Variants in ELL2 observed in about 807,000 individuals in gnomAD.
The protein encoded by ELL2 is elongation factor for RNA polymerase II 2, also known as RNA polymerase II elongation factor ELL2.
Under a neutral mutation model 72.8 loss-of-function variants are expected in ELL2, and 21 were observed. That is an observed-to-expected ratio of 0.29 (90% CI 0.20 to 0.42). ELL2 has a LOEUF of 0.42. Among genes scored for constraint, ELL2 ranks in the 10% least tolerant of loss-of-function variants. The pLI, the probability that ELL2 is intolerant of heterozygous loss-of-function variation, is 1.00. For synonymous variants in ELL2, 266 were observed against 283.2 expected, an observed-to-expected ratio of 0.94 and a Z score of 0.61; for missense variants, 568 against 772.8, an observed-to-expected ratio of 0.73 and a Z score of 3.14.
intron 2 of ELL2, among the ~76,000 whole-genome samples, chr5:95,921,512 C>G (rs1315345645): frequency 6.6e-6 from 1 of 152,160 alleles, no homozygotes; most frequent in East Asian, 1.9e-4. Flanking sequence ...ACTTTGTGAA[C>G]AAGTCTTAAT....
chr5:95,937,780 T>C (rs2112341499), intron 2 of ELL2, among the ~76,000 whole-genome samples: 1 of 152,320 alleles, frequency 6.6e-6, no homozygotes, highest in East Asian at 1.9e-4. Flanking sequence ...AGGTAGCTGT[T>C]AGCTGGCAAC....
At chr5:95,918,132 C>G (rs1459603787) in intron 3 of ELL2, among the ~76,000 whole-genome samples, 1 of 152,210 alleles carries the variant, frequency 6.6e-6, no homozygotes, top group Admixed American at 6.5e-5. Flanking sequence ...ATTCTATAAT[C>G]TATCATAGTG....
At chr5:95,932,225 C>G (rs80174773) in intron 2 of ELL2, among the ~76,000 whole-genome samples, 1 of 152,052 alleles carries the variant, frequency 6.6e-6, no homozygotes, top group Non-Finnish European at 1.5e-5. Flanking sequence ...TATTGATATG[C>G]ACAACACATC....
At chr5:95,961,145 G>C (rs992684415) in intron 1 of ELL2, among the ~76,000 whole-genome samples, 9 of 152,054 alleles carry the variant, frequency 5.9e-5, no homozygotes, top group African/African-American at 2.2e-4. Flanking sequence ...GGAAAACGCG[G>C]GCAGCTGGTG....
At chr5:95,927,476 T>TACAC (rs560734864) in intron 2 of ELL2, among the ~76,000 whole-genome samples, 1 of 18,926 alleles carries the variant, frequency 5.3e-5, no homozygotes. Flanking sequence ...TATATAGACA[T>TACAC]ACACACACGT....
chr5:95,939,836 A>G (rs1260840664), intron 2 of ELL2, among the ~76,000 whole-genome samples: 1 of 152,226 alleles, frequency 6.6e-6, no homozygotes, highest in Non-Finnish European at 1.5e-5. Context: ...GCATTATACC[A>G]TTATACCCCT....
intron 2 of ELL2, among the ~76,000 whole-genome samples, chr5:95,921,653 G>A (rs905684283): frequency 3.9e-5 from 6 of 152,216 alleles, no homozygotes; most frequent in Non-Finnish European, 8.8e-5. Context: ...AGGAATGCTT[G>A]CGTCAGGCAC....
intron 2 of ELL2, among the ~76,000 whole-genome samples, chr5:95,923,543 A>G (rs1261642646): frequency 2.6e-5 from 4 of 152,352 alleles, no homozygotes; most frequent in Non-Finnish European, 4.4e-5. Flanking sequence ...GTTTCTTTGC[A>G]GCTATGGAGC....
chr5:95,907,535 C>T (rs541386733), intron 4 of ELL2, among the ~76,000 whole-genome samples: 3 of 152,136 alleles, frequency 2.0e-5, no homozygotes, highest in South Asian at 2.1e-4. Flanking sequence ...TGACACTTGG[C>T]AAGTGGCTAC....
chr5:95,899,869 T>C (rs930314280), intron 7 of ELL2, among the ~76,000 whole-genome samples: 6 of 152,176 alleles, frequency 3.9e-5, no homozygotes, highest in African/African-American at 1.4e-4. Context: ...TTCTTTTTTG[T>C]TCCCCCTCTG....
At chr5:95,890,345 G>A (rs532528166) in intron 10 of ELL2, among the ~76,000 whole-genome samples, 34 of 152,140 alleles carry the variant, frequency 2.2e-4, no homozygotes, top group Non-Finnish European at 4.1e-4. Context: ...CTCATCCATT[G>A]TCTCACGTAG....
chr5:95,942,970 G>C (rs1414748064), intron 2 of ELL2, 32 bp downstream of exon 2: 5 of 1,533,368 alleles, frequency 3.3e-6, no homozygotes, highest in Non-Finnish European at 3.5e-6. Context: ...AAGAACATTA[G>C]ATTTGTTTGT....
intron 3 of ELL2, among the ~76,000 whole-genome samples, chr5:95,915,795 G>A (rs930648940): frequency 6.6e-6 from 1 of 152,066 alleles, no homozygotes; most frequent in Non-Finnish European, 1.5e-5. Flanking sequence ...GCAAAAAGAA[G>A]GTTTTCAAAT....
chr5:95,895,480 G>A, intron 9 of ELL2, 148 bp downstream of exon 9: 1 of 694,496 alleles, frequency 1.4e-6, no homozygotes, highest in Non-Finnish European at 2.5e-6. Context: ...GGATGAGCAG[G>A]CTAAATGGCA....
chr5:95,929,717 G>C (rs940653240), intron 2 of ELL2, among the ~76,000 whole-genome samples: 2 of 151,018 alleles, frequency 1.3e-5, no homozygotes, highest in Non-Finnish European at 2.9e-5. Context: ...GATGACTTAA[G>C]AATCTGTTGA....
In ELL2 at chr5:95,891,248, T is replaced by G; in HGVS notation, c.1616A>C (p.Glu539Ala). The G allele has an allele frequency of 6.2e-7, 1 of 1,612,452 alleles. No homozygotes were observed. The highest frequency in any genetic ancestry group is 8.5e-7 in the Non-Finnish European group (1 of 1,179,514). ...GTCATCCTTATAATTCTGGCGTTGC[T>G]CATAGGAGACGATAGCGATATATTT... Reference protein sequence around the residue: ...LIKYIAIVSYEQRQNYKDDFN... With the variant: ...LIKYIAIVSYAQRQNYKDDFN... Residue 539 changes from glutamate to alanine, a missense_variant, in exon 10 of 12, where the codon GAG becomes GCG. By Grantham distance (107) the Glu-to-Ala change is moderately radical. This residue lies in a region of ELL2 where 511 missense variants were observed against 728.4 expected (regional missense o/e 0.70). Transcript: ENST00000237853.
chr5:95,956,008 T>G (rs1367851943), intron 1 of ELL2, among the ~76,000 whole-genome samples: 1 of 152,162 alleles, frequency 6.6e-6, no homozygotes, highest in African/African-American at 2.4e-5. Flanking sequence ...ATAAGCCTTA[T>G]GAACACAGCT....
rs567160344 is a variant in ELL2, at chr5:95,912,156, A to G, written c.481+1615T>C. 2.0e-5 allele frequency among the ~76,000 whole-genome samples: 3 copies of G among 152,336 alleles called. No homozygotes were observed. The East Asian group carries it at 5.8e-4, about 29-fold the overall frequency. Reference sequence around the variant, plus strand: ...TGGACTGTGGGATTTTGGGTGTTGAAGTCTGTTGTGTAAGCTATAAACAAA... The same window carrying G: ...TGGACTGTGGGATTTTGGGTGTTGAGGTCTGTTGTGTAAGCTATAAACAAA... On this transcript the variant is annotated intron_variant, in intron 4 of 11. Transcript: ENST00000237853.
intron 2 of ELL2, among the ~76,000 whole-genome samples, chr5:95,922,237 T>C (rs572277004): frequency 6.6e-6 from 1 of 152,336 alleles, no homozygotes; most frequent in East Asian, 1.9e-4. Flanking sequence ...TAATTTTTTG[T>C]ATTTTTAGTA....
Sources: allele counts gnomAD v4.1 joint callset (sites outside exome capture counted in the v4.1 genomes callset), GRCh38; gene constraint gnomAD v4.1.1; regional missense constraint gnomAD v4.1.1; transcripts MANE v1.5; gene names NCBI Gene and HGNC (gene_info 2026-07-23, HGNC 2026-07-21).